The following LRP2 variants were observed in gnomAD, a reference collection of about 807,000 sequenced individuals.
LRP2 encodes the protein low-density lipoprotein receptor-related protein 2.
Under a neutral mutation model 531.0 loss-of-function variants are expected in LRP2, and 172 were observed. That is an observed-to-expected ratio of 0.32 (90% CI 0.29 to 0.37). The LOEUF (loss-of-function observed/expected upper bound fraction) is 0.37, where lower values mean the gene tolerates loss of function less well. LRP2 is among the 10% of genes least tolerant of loss of function. LRP2 has a pLI of 1.00. For missense variants in LRP2, 5,167 were observed against 5,868.3 expected (o/e 0.88, Z 3.90); for synonymous variants, 1,992 against 2,027.6 (o/e 0.98, Z 0.47).
At chr2:169,218,781 G>T (rs199786166) in intron 34 of LRP2, among the ~76,000 whole-genome samples, 1 of 152,020 alleles carries the variant, frequency 6.6e-6, no homozygotes, top group Non-Finnish European at 1.5e-5. Context: ...ATTTCTGAAC[G>T]TTCTTTCCTT....
chr2:169,273,976 C>A, intron 14 of LRP2, among the ~76,000 whole-genome samples: 1 of 152,136 alleles, frequency 6.6e-6, no homozygotes, highest in East Asian at 1.9e-4. Context: ...TATTTTTAGA[C>A]AAGTTTATAC....
chr2:169,237,180 A>G lies in LRP2; in HGVS notation c.4614T>C (p.Ile1538=). The G allele has an allele frequency of 6.2e-7, 1 of 1,614,020 alleles. No homozygotes were observed. The highest frequency in any genetic ancestry group is 8.5e-7 in the Non-Finnish European group (1 of 1,179,928). ...YALETIEVSK[I]DGSHRTVLIS... is the part of the protein sequence containing the mutation. ...TCAGCACAGTCCTGTGGCTCCCATC[A>G]ATTTTGGAGACTTCAATTGTTTCCA... Residue 1538 remains isoleucine, a synonymous_variant, in exon 28 of 79, where the codon ATT becomes ATC. Coordinates refer to ENST00000649046, the MANE Select transcript of LRP2 (RefSeq NM_004525.3).
At chr2:169,141,865 T>G (rs1275727695) in intron 71 of LRP2, among the ~76,000 whole-genome samples, 1 of 152,126 alleles carries the variant, frequency 6.6e-6, no homozygotes, top group Non-Finnish European at 1.5e-5. Flanking sequence ...AGAAACAGTT[T>G]TTTCTCCCTG....
chr2:169,360,140 AAAAAAAAAGAG>A (rs1183955908), intron 1 of LRP2, among the ~76,000 whole-genome samples: 1 of 131,810 alleles, frequency 7.6e-6, no homozygotes, highest in Non-Finnish European at 1.7e-5. Context: ...AAAAAAAAAA[AAAAAAAAAGAG>A]AGAGAGAGAG....
intron 71 of LRP2, among the ~76,000 whole-genome samples, chr2:169,141,507 C>G (rs533764947): frequency 6.6e-6 from 1 of 152,358 alleles, no homozygotes; most frequent in South Asian, 2.1e-4. Flanking sequence ...AGAAATCTCA[C>G]TGGACTAATT....
At position 169,282,995 on chromosome 2, in the gene LRP2, T is replaced by C; in HGVS notation, c.1049A>G (p.Asp350Gly). 1.2e-6 allele frequency: 2 copies of C among 1,614,044 alleles called. No homozygotes were observed. The highest frequency in any genetic ancestry group is 1.7e-6 in the Non-Finnish European group (2 of 1,179,928). The change falls in exon 10 of 79, where the codon GAT (aspartate) becomes GGT (glycine). Residue 350 changes from aspartate to glycine, a missense_variant. Around this residue, in one of 6 missense-constraint regions of LRP2, gnomAD observed 2,811 missense variants for 3,058.0 expected, o/e 0.92. Coordinates refer to ENST00000649046, the MANE Select transcript of LRP2 (RefSeq NM_004525.3). ...ACAAATTCCCCATATCTGGCAATCA[T>C]CAAACTCTGCCATATGGAAAATACA... ...HNDSRTCVEFDDCQIWGICDQ... is the reference protein window; with the variant it reads ...HNDSRTCVEFGDCQIWGICDQ...
intron 16 of LRP2, among the ~76,000 whole-genome samples, chr2:169,268,447 T>A (rs1361643929): frequency 1.3e-5 from 2 of 152,210 alleles, no homozygotes; most frequent in African/African-American, 4.8e-5. Flanking sequence ...GCAATGCTGG[T>A]TCAGCATACA....
intron 41 of LRP2, among the ~76,000 whole-genome samples, chr2:169,204,658 C>A (rs1468171586): frequency 6.6e-6 from 1 of 152,124 alleles, no homozygotes; most frequent in Non-Finnish European, 1.5e-5. Context: ...TTATTGAGTA[C>A]CTTGAGGTGT....
intron 1 of LRP2, 22 bp downstream of exon 1, chr2:169,362,299 G>A: frequency 6.5e-7 from 1 of 1,545,802 alleles, no homozygotes; most frequent in Non-Finnish European, 8.7e-7. Flanking sequence ...GGCTCCACGA[G>A]AGGCTCTGGC....
At chr2:169,152,742 A>C in intron 67 of LRP2, 57 bp downstream of exon 67, 11 of 1,592,722 alleles carry the variant, frequency 6.9e-6, no homozygotes, top group Non-Finnish European at 8.6e-6. Flanking sequence ...GGAGTGCAGT[A>C]GAGAACTCTA....
At chr2:169,331,325 C>A (rs1200582354) in intron 1 of LRP2, among the ~76,000 whole-genome samples, 2 of 152,188 alleles carry the variant, frequency 1.3e-5, no homozygotes, top group Non-Finnish European at 2.9e-5. Context: ...AATTGACAAT[C>A]ACTTAAGCGC....
intron 1 of LRP2, among the ~76,000 whole-genome samples, chr2:169,325,403 T>C (rs2105523613): frequency 6.6e-6 from 1 of 152,342 alleles, no homozygotes; most frequent in South Asian, 2.1e-4. Flanking sequence ...AAGAGGCAAT[T>C]CCTTAACTTA....
intron 9 of LRP2, among the ~76,000 whole-genome samples, chr2:169,285,493 A>G (rs1683830988): frequency 6.6e-6 from 1 of 152,156 alleles, no homozygotes; most frequent in Admixed American, 6.5e-5. Flanking sequence ...AAACACTAAA[A>G]CACTACTTTA....
intron 42 of LRP2, among the ~76,000 whole-genome samples, chr2:169,203,722 A>G (rs1688280681): frequency 6.6e-6 from 1 of 152,200 alleles, no homozygotes; most frequent in African/African-American, 2.4e-5. Flanking sequence ...CCGCCACTGC[A>G]CTCCAGCCTG....
rs1344677503 is a variant in LRP2 at position 169,185,704 on chromosome 2, T to C, written c.9644A>G (p.Asp3215Gly). 6 of 1,613,910 alleles carry C rather than the reference T, an allele frequency of 3.7e-6. No individual in the cohort carries two copies. Among genetic ancestry groups the C allele is most frequent in the East Asian group, 2.2e-5 (1 of 44,864 alleles). The change falls in exon 50 of 79, where the codon GAT (aspartate) becomes GGT (glycine). Residue 3215 changes from aspartate to glycine, a missense_variant. Asp to Gly is a moderately conservative substitution (Grantham distance 94). Transcript: ENST00000649046. ...CAAGATGAGGGAGTAAAAATAGCCA[T>C]CTATAGTTAAATTTCTCAAATAGTA... ...NRYYLRNLTIDGYFYSLILEG... is the reference protein window; with the variant it reads ...NRYYLRNLTIGGYFYSLILEG...
At chr2:169,188,394 T>C (rs1234729554) in intron 48 of LRP2, 129 bp from the exon 49 acceptor site, 3 of 856,590 alleles carry the variant, frequency 3.5e-6, no homozygotes, top group Non-Finnish European at 3.8e-6. Flanking sequence ...AGATCACCAG[T>C]GTCCTTGATC....
rs749452281 is a variant in LRP2 at position 169,182,289 on chromosome 2, A to G, written c.9876T>C (p.Asp3292=). The change falls in exon 51 of 79, where the codon GAT becomes GAC. Residue 3292 remains aspartate (D), a synonymous_variant. Coordinates refer to ENST00000649046, the MANE Select transcript of LRP2 (RefSeq NM_004525.3). ...CATTGAGGTCAGAGACAAAGAGGCC[A>G]TCCAGGCGGGCATCCAACCAGTAGA... ...RKLYWLDARL[D]GLFVSDLNGG... 7 of 1,613,908 alleles carry G rather than the reference A, an allele frequency of 4.3e-6. No individual in the cohort carries two copies. In the African/African-American group the frequency reaches 9.3e-5, roughly 22 times the overall value.
chr2:169,298,756 A>G (rs1457321968), intron 4 of LRP2, among the ~76,000 whole-genome samples: 4 of 151,934 alleles, frequency 2.6e-5, no homozygotes, highest in Non-Finnish European at 5.9e-5. Context: ...AATTCTAGGA[A>G]ACCTACACAG....
chr2:169,149,784 C>T (rs10192078), intron 68 of LRP2, among the ~76,000 whole-genome samples: 72,031 of 151,166 alleles, frequency 0.48, 17,683 homozygotes, highest in Admixed American at 0.6. Context: ...TGCAGTGAGC[C>T]GAGATCATGC....
Sources: allele counts gnomAD v4.1 joint callset (sites outside exome capture counted in the v4.1 genomes callset), GRCh38; gene constraint gnomAD v4.1.1; regional missense constraint gnomAD v4.1.1; transcripts MANE v1.5; gene names NCBI Gene and HGNC (gene_info 2026-07-23, HGNC 2026-07-21).